The following SEMA3E variants were observed in gnomAD, a reference collection of about 807,000 sequenced individuals.
SEMA3E encodes the protein semaphorin 3E, also known as semaphorin-3E.
SEMA3E carries 49 observed loss-of-function variants against 93.6 expected under a neutral mutation model. That is an observed-to-expected ratio of 0.52 (90% confidence interval 0.42 to 0.66). The LOEUF (loss-of-function observed/expected upper bound fraction) is 0.66. SEMA3E is among the 30% of genes least tolerant of loss of function. SEMA3E has a pLI of 0.00. For synonymous variants in SEMA3E, 363 were observed against 330.7 expected, an observed-to-expected ratio of 1.10 and a Z score of -1.06; for missense variants, 906 against 964.8, an observed-to-expected ratio of 0.94 and a Z score of 0.81.
intron 16 of SEMA3E, among the ~76,000 whole-genome samples, chr7:83,381,965 A>G (rs749861882): frequency 1.3e-5 from 2 of 152,002 alleles, no homozygotes; most frequent in African/African-American, 4.8e-5. Flanking sequence ...GACAATGAGG[A>G]GTAATGCCTT....
chr7:83,394,194 G>A (rs1048984864), intron 13 of SEMA3E, 103 bp downstream of exon 13: 22 of 1,230,760 alleles, frequency 1.8e-5, no homozygotes, highest in African/African-American at 1.5e-5. Context: ...ACTGTAATAA[G>A]TTCATATTTA....
intron 5 of SEMA3E, among the ~76,000 whole-genome samples, chr7:83,411,025 A>C (rs1185941610): frequency 6.6e-6 from 1 of 152,032 alleles, no homozygotes; most frequent in African/African-American, 2.4e-5. Flanking sequence ...AAAGTATTTT[A>C]GACTTTGATA....
At chr7:83,530,332 T>A (rs1250306308) in intron 1 of SEMA3E, among the ~76,000 whole-genome samples, 2 of 152,296 alleles carry the variant, frequency 1.3e-5, no homozygotes, top group African/African-American at 2.4e-5. Flanking sequence ...AAATCAAGTA[T>A]TCTGCCTAAA....
intron 1 of SEMA3E, among the ~76,000 whole-genome samples, chr7:83,645,724 TC>T (rs1794070723): frequency 4.9e-5 from 1 of 20,398 alleles, no homozygotes; most frequent in Admixed American, 7.1e-4. Flanking sequence ...TCTCCTTCTC[TC>T]TCTCTCTCTC....
rs17157749 is a variant in SEMA3E, at chr7:83,535,250, A to G, written c.116-44976T>C. On this transcript the variant is annotated intron_variant, in intron 1 of 16. Transcript: ENST00000643230. ...TTCACTGGACCATTTGACTCCACAT[A>G]AATTTGGCTTTTCCTTGCTTTCTAA... 6.5e-3 allele frequency among the ~76,000 whole-genome samples: 987 copies of G among 152,200 alleles called. 10 individuals carry two copies. Among genetic ancestry groups the G allele is most frequent in the African/African-American group, 0.023 (952 of 41,528 alleles).
intron 1 of SEMA3E, among the ~76,000 whole-genome samples, chr7:83,493,322 C>T (rs1790421230): frequency 6.6e-6 from 1 of 151,800 alleles, no homozygotes; most frequent in Non-Finnish European, 1.5e-5. Flanking sequence ...TCATTTACAA[C>T]TTTTGCTCTG....
Position 83,567,831 on chromosome 7 carries a change from A to G in SEMA3E, c.116-77557T>C, listed in dbSNP as rs555877897. Among the ~76,000 whole-genome samples, 110 of 152,152 alleles carry G rather than the reference A, an allele frequency of 7.2e-4. 1 individual carries two copies. The Middle Eastern group carries it at 0.01, about 14-fold the overall frequency. On this transcript the variant is annotated intron_variant, in intron 1 of 16. Transcript: ENST00000643230. ...AACGATTTTGAATAAACAATCTAACAATGCACCTCAAAGAACTAAAAAAGC... is the reference window on the plus strand; with the variant it reads ...AACGATTTTGAATAAACAATCTAACGATGCACCTCAAAGAACTAAAAAAGC...
chr7:83,405,599 GT>G, intron 8 of SEMA3E, 80 bp from the exon 9 acceptor site: 1 of 1,146,500 alleles, frequency 8.7e-7, no homozygotes, highest in Non-Finnish European at 1.3e-6. Flanking sequence ...ACCTAAATTT[GT>G]TTAGAACTCA....
intron 1 of SEMA3E, among the ~76,000 whole-genome samples, chr7:83,603,111 A>T (rs1391584556): frequency 6.6e-6 from 1 of 152,084 alleles, no homozygotes; most frequent in Non-Finnish European, 1.5e-5. Context: ...TAAGACTCCA[A>T]CCCAATATTG....
chr7:83,448,987 T>C (rs1789295843), intron 4 of SEMA3E, among the ~76,000 whole-genome samples: 1 of 152,170 alleles, frequency 6.6e-6, no homozygotes, highest in Non-Finnish European at 1.5e-5. Context: ...ATAGCTACCT[T>C]ATGTTAAGTA....
intron 1 of SEMA3E, among the ~76,000 whole-genome samples, chr7:83,643,586 C>T (rs1352548298): frequency 6.6e-6 from 1 of 151,846 alleles, no homozygotes; most frequent in African/African-American, 2.4e-5. Context: ...TTTCATATAT[C>T]CAGATGCACT....
intron 1 of SEMA3E, among the ~76,000 whole-genome samples, chr7:83,620,491 A>T (rs1267342748): frequency 1.3e-5 from 2 of 152,062 alleles, no homozygotes; most frequent in Admixed American, 6.6e-5. Flanking sequence ...TTCCTAATTC[A>T]TTTTATGAAG....
chr7:83,570,962 T>A (rs1792275342), intron 1 of SEMA3E, among the ~76,000 whole-genome samples: 1 of 151,474 alleles, frequency 6.6e-6, no homozygotes, highest in Admixed American at 6.6e-5. Flanking sequence ...AATGAATAAA[T>A]TCCTGGAAAC....
intron 1 of SEMA3E, among the ~76,000 whole-genome samples, chr7:83,588,389 AG>A (rs1468430464): frequency 6.6e-6 from 1 of 151,500 alleles, no homozygotes; most frequent in Admixed American, 6.6e-5. Context: ...AAAAAAAAAA[AG>A]AAGAAGAAGA....
intron 1 of SEMA3E, among the ~76,000 whole-genome samples, chr7:83,524,476 G>T (rs980437763): frequency 6.6e-6 from 1 of 152,044 alleles, no homozygotes; most frequent in Non-Finnish European, 1.5e-5. Context: ...TAGGAATTTA[G>T]AGAGCACATT....
At position 83,406,011 on chromosome 7, in the gene SEMA3E, G is replaced by A. The variant is rs1187608779; in HGVS notation, c.862C>T (p.Leu288=). ...ACTGAGCAAACGAGTCTCGCTTTTAGGAAAGTGCTCCACTTATTCACCAGT... is the reference window on the plus strand; with the variant it reads ...ACTGAGCAAACGAGTCTCGCTTTTAAGAAAGTGCTCCACTTATTCACCAGT... ...RILVNKWSTF[L]KARLVCSVPG... is the part of the protein sequence containing the mutation. The change falls in exon 8 of 17, where the codon CTA becomes TTA. Residue 288 remains leucine (L), a synonymous_variant. Transcript: ENST00000643230. The A allele has an allele frequency of 6.2e-7, 1 of 1,613,266 alleles. No individual in the cohort carries two copies. Among genetic ancestry groups the A allele is most frequent in the South Asian group, 1.1e-5 (1 of 91,066 alleles).
chr7:83,389,335 C>A (rs1462388458), intron 14 of SEMA3E, among the ~76,000 whole-genome samples: 1 of 149,308 alleles, frequency 6.7e-6, no homozygotes, highest in Non-Finnish European at 1.5e-5. Flanking sequence ...GGAATAAAAT[C>A]AACAAAATGA....
At chr7:83,623,699 T>C (rs960413582) in intron 1 of SEMA3E, among the ~76,000 whole-genome samples, 1 of 152,136 alleles carries the variant, frequency 6.6e-6, no homozygotes, top group African/African-American at 2.4e-5. Flanking sequence ...AATTATTCCT[T>C]ACTTACCTGA....
rs1004596438 is a variant in SEMA3E, at chr7:83,648,745, T to C, written c.-203A>G. The C allele has an allele frequency of 3.2e-6, 2 of 629,714 alleles. No homozygotes were observed. Among genetic ancestry groups the C allele is most frequent in the East Asian group, 2.8e-5 (1 of 35,724 alleles). The allele number at this position is 629,714 out of a possible 1,614,324, so 39.0% of individuals were successfully genotyped here. A position where few individuals can be genotyped will look rare whatever the true frequency, so the allele number is the denominator to read the frequency against. ...TTTCTTTCCTCGGGACAGTTGTTTA[T>C]AAGCCGGGAGCAAGAGGACATTCCA... On this transcript the variant is annotated 5_prime_UTR_variant, in exon 1 of 17. Transcript: ENST00000643230.
Sources: gnomAD v4.1 joint callset for allele counts (sites outside exome capture counted in the v4.1 genomes callset) on GRCh38, gnomAD v4.1.1 for gene constraint, MANE v1.5 for transcripts, NCBI Gene and HGNC (gene_info 2026-07-23, HGNC 2026-07-21) for gene names.